PTPRD: variants seen among roughly 807,000 people sequenced by gnomAD.
PTPRD encodes the protein receptor-type tyrosine-protein phosphatase delta.
A neutral mutation model predicts 214.5 loss-of-function variants in PTPRD; 34 were observed. The ratio of observed to expected loss-of-function variants is 0.16; its 90% CI spans 0.12 to 0.21. PTPRD has a LOEUF of 0.21. Among genes scored for constraint, PTPRD ranks in the 10% least tolerant of loss-of-function variants. The probability of loss-of-function intolerance (pLI) is 1.00; values close to 1 mark genes in which losing one functional copy is unlikely to be tolerated. For missense variants in PTPRD, 2,545 were observed against 2,398.7 expected (o/e 1.06, Z -1.27); for synonymous variants, 1,128 against 845.7 (o/e 1.33, Z -5.79).
At chr9:8,619,694 G>C (rs572736812) in intron 14 of PTPRD, among the ~76,000 whole-genome samples, 1 of 151,572 alleles carries the variant, frequency 6.6e-6, no homozygotes, top group African/African-American at 2.4e-5. Flanking sequence ...AGAAACTCAA[G>C]GACGATGACT....
At chr9:9,809,072 CT>C (rs2153534781) in intron 5 of PTPRD, among the ~76,000 whole-genome samples, 1 of 152,002 alleles carries the variant, frequency 6.6e-6, no homozygotes, top group South Asian at 2.1e-4. Context: ...AGGCAGAAGC[CT>C]CCGTGCCTAG....
At chr9:10,508,477 C>T (rs1444243906) in intron 2 of PTPRD, among the ~76,000 whole-genome samples, 4 of 152,150 alleles carry the variant, frequency 2.6e-5, no homozygotes, top group Non-Finnish European at 5.9e-5. Flanking sequence ...AATCATGCTG[C>T]TATGAAGACA....
intron 11 of PTPRD, among the ~76,000 whole-genome samples, chr9:8,933,577 C>G (rs576267450): frequency 7.9e-5 from 12 of 151,948 alleles, no homozygotes; most frequent in African/African-American, 2.7e-4. Flanking sequence ...ATTCAGTGAG[C>G]TAATGGATAC....
intron 30 of PTPRD, among the ~76,000 whole-genome samples, chr9:8,475,535 T>C (rs1044800280): frequency 2.0e-5 from 3 of 152,174 alleles, no homozygotes; most frequent in East Asian, 1.9e-4. Flanking sequence ...CAGACTCATA[T>C]CTTTAGCCAA....
intron 9 of PTPRD, among the ~76,000 whole-genome samples, chr9:9,354,830 T>C (rs897394659): frequency 4.6e-5 from 7 of 151,402 alleles, no homozygotes; most frequent in Non-Finnish European, 8.9e-5. Flanking sequence ...AGTGATGGAG[T>C]TGTGCATGAA....
At chr9:8,633,158 A>C (rs1306048313) in intron 14 of PTPRD, among the ~76,000 whole-genome samples, 159 bp downstream of exon 14, 3 of 152,026 alleles carry the variant, frequency 2.0e-5, no homozygotes, top group African/African-American at 7.2e-5. Context: ...CCAAAACTAG[A>C]GAAGGTATCC....
chr9:8,627,279 CG>C lies in PTPRD; in HGVS notation c.352+6037del, dbSNP rs142465718. On this transcript the variant is annotated intron_variant, in intron 14 of 45. Coordinates refer to ENST00000381196, the MANE Select transcript of PTPRD (RefSeq NM_002839.4). ...TGAAGGGCTGAAACTCACTGTCACA[CG>C]TACTGCAGCAGGGATCACTTCAGAC... is the stretch of plus-strand genomic sequence containing the variant. Among the ~76,000 whole-genome samples, 962 of 151,890 alleles carry C rather than the reference CG, an allele frequency of 6.3e-3. 8 individuals carry two copies. Among genetic ancestry groups the C allele is most frequent in the African/African-American group, 0.022 (922 of 41,486 alleles).
chr9:10,274,764 G>T (rs115083236), intron 3 of PTPRD, among the ~76,000 whole-genome samples: 1 of 152,072 alleles, frequency 6.6e-6, no homozygotes, highest in Non-Finnish European at 1.5e-5. Flanking sequence ...TAACTTAGAA[G>T]CTACATTTAC....
At chr9:8,418,895 G>C (rs796399691) in intron 35 of PTPRD, among the ~76,000 whole-genome samples, 3 of 152,042 alleles carry the variant, frequency 2.0e-5, no homozygotes, top group African/African-American at 7.2e-5. Context: ...TCCAATAGTA[G>C]GCAAATTTGA....
intron 44 of PTPRD, among the ~76,000 whole-genome samples, chr9:8,327,729 G>T (rs1383436900): frequency 3.3e-5 from 5 of 152,110 alleles, no homozygotes; most frequent in Admixed American, 6.5e-5. Context: ...CCTGTAGAGG[G>T]TTCATATATA....
chr9:8,588,764 T>C (rs1047269365), intron 14 of PTPRD, among the ~76,000 whole-genome samples: 1 of 152,212 alleles, frequency 6.6e-6, no homozygotes, highest in African/African-American at 2.4e-5. Flanking sequence ...TAGGAAGTTA[T>C]TGATTTTGCC....
intron 3 of PTPRD, among the ~76,000 whole-genome samples, chr9:10,340,140 G>T (rs2096912088): frequency 6.6e-6 from 1 of 151,842 alleles, no homozygotes; most frequent in African/African-American, 2.4e-5. Flanking sequence ...AGTAGCCTCT[G>T]TCTTCTAAAT....
At chr9:8,747,140 C>T in intron 11 of PTPRD, among the ~76,000 whole-genome samples, 1 of 152,236 alleles carries the variant, frequency 6.6e-6, no homozygotes. Flanking sequence ...CTGACCCTTT[C>T]CTTTATTATG....
At chr9:9,568,913 A>G (rs1434100607) in intron 8 of PTPRD, among the ~76,000 whole-genome samples, 1 of 151,814 alleles carries the variant, frequency 6.6e-6, no homozygotes, top group Non-Finnish European at 1.5e-5. Flanking sequence ...TACTAGCCCA[A>G]TGCTTAGTAC....
At chr9:10,469,888 A>C (rs988030518) in intron 2 of PTPRD, among the ~76,000 whole-genome samples, 7 of 152,052 alleles carry the variant, frequency 4.6e-5, no homozygotes, top group African/African-American at 1.7e-4. Flanking sequence ...ATGTTAAGTG[A>C]AATAACCCAG....
chr9:8,845,791 G>C (rs1566566451), intron 11 of PTPRD, among the ~76,000 whole-genome samples: 1 of 152,208 alleles, frequency 6.6e-6, no homozygotes. Flanking sequence ...TCCCACTGCA[G>C]TTCCTACGGC....
At chr9:9,240,430 T>C (rs2099969782) in intron 9 of PTPRD, among the ~76,000 whole-genome samples, 1 of 152,142 alleles carries the variant, frequency 6.6e-6, no homozygotes, top group African/African-American at 2.4e-5. Context: ...CCCAGCACTT[T>C]GGGAGGCCGA....
chr9:8,711,786 GTTTA>G (rs1385779365), intron 12 of PTPRD, among the ~76,000 whole-genome samples: 1 of 152,172 alleles, frequency 6.6e-6, no homozygotes, highest in African/African-American at 2.4e-5. Context: ...GCCCATAAAT[GTTTA>G]TTGTAGCTTC....
intron 5 of PTPRD, among the ~76,000 whole-genome samples, chr9:9,840,603 T>G (rs2058052938): frequency 6.7e-6 from 1 of 150,372 alleles, no homozygotes; most frequent in Non-Finnish European, 1.5e-5. Context: ...CGGAAAGAAA[T>G]GGGAAGGGAA....
Sources: gnomAD v4.1 joint callset for allele counts (sites outside exome capture counted in the v4.1 genomes callset) on GRCh38, gnomAD v4.1.1 for gene constraint, MANE v1.5 for transcripts, NCBI Gene and HGNC (gene_info 2026-07-23, HGNC 2026-07-21) for gene names.